Variants in ZNF385B observed in about 807,000 individuals in gnomAD.
ZNF385B encodes zinc finger protein 385B, also known as zinc finger protein 533.
Under a neutral mutation model 39.2 loss-of-function variants are expected in ZNF385B, and 23 were observed. That is an observed-to-expected ratio of 0.59 (90% CI 0.42 to 0.83). The LOEUF is 0.83. Among genes scored for constraint, ZNF385B ranks in the 40% least tolerant of loss-of-function variants. The probability of loss-of-function intolerance (pLI) is 0.00; values close to 1 mark genes in which losing one functional copy is unlikely to be tolerated. For missense variants in ZNF385B, 552 were observed against 598.9 expected (o/e 0.92, Z 0.82); for synonymous variants, 205 against 222.6 (o/e 0.92, Z 0.70).
chr2:179,820,210 G>A (rs949231221), intron 1 of ZNF385B, among the ~76,000 whole-genome samples: 1 of 151,868 alleles, frequency 6.6e-6, no homozygotes, highest in Non-Finnish European at 1.5e-5. Context: ...CTCTTTTCCA[G>A]TTTACTATGT....
Position 179,466,200 on chromosome 2 carries a change from C to G in ZNF385B, c.715+17072G>C, listed in dbSNP as rs902167434. On this transcript the variant is annotated intron_variant, in intron 6 of 9. Transcript: ENST00000410066. ...CTTGAGTGGATCTCCTTGCGATGTA[C>G]TAGACAGGGTCATAACAACAAACAC... 1.4e-4 allele frequency among the ~76,000 whole-genome samples: 21 copies of G among 152,080 alleles called. 1 individual carries two copies. The highest frequency in any genetic ancestry group is 4.3e-4 in the African/African-American group (18 of 41,402).
intron 3 of ZNF385B, among the ~76,000 whole-genome samples, chr2:179,616,514 T>C (rs886671608): frequency 3.9e-5 from 6 of 151,946 alleles, no homozygotes; most frequent in Admixed American, 1.3e-4. Flanking sequence ...TTTGTATTTT[T>C]AGTAGAGATG....
chr2:179,464,690 C>T (rs2105487408), intron 6 of ZNF385B, among the ~76,000 whole-genome samples: 1 of 152,250 alleles, frequency 6.6e-6, no homozygotes, highest in South Asian at 2.1e-4. Flanking sequence ...GGCCTCTGTT[C>T]TGTTCCATTA....
chr2:179,569,276 T>C (rs1296545626), intron 3 of ZNF385B, among the ~76,000 whole-genome samples: 2 of 152,192 alleles, frequency 1.3e-5, no homozygotes, highest in African/African-American at 4.8e-5. Flanking sequence ...TAATAAAATA[T>C]CTTTTGCACC....
intron 1 of ZNF385B, among the ~76,000 whole-genome samples, chr2:179,789,246 A>G (rs559778131): frequency 6.6e-6 from 1 of 152,340 alleles, no homozygotes; most frequent in East Asian, 1.9e-4. Context: ...TTCATAAAGT[A>G]CATTCCCCAC....
intron 3 of ZNF385B, among the ~76,000 whole-genome samples, chr2:179,750,795 T>G (rs529051253): frequency 5.4e-4 from 82 of 152,272 alleles, no homozygotes; most frequent in African/African-American, 1.9e-3. Context: ...TTTACTTATC[T>G]AGTGCACTTA....
chr2:179,814,678 C>A, intron 1 of ZNF385B: 1 of 338,644 alleles, frequency 3.0e-6, no homozygotes, highest in Non-Finnish European at 5.8e-6. Flanking sequence ...GATACTGAAG[C>A]GCCCTCAGGC....
chr2:179,538,447 T>C (rs2059719399), intron 4 of ZNF385B, among the ~76,000 whole-genome samples: 1 of 152,178 alleles, frequency 6.6e-6, no homozygotes, highest in Non-Finnish European at 1.5e-5. Flanking sequence ...AATGTGAATT[T>C]GATTCCCAAT....
chr2:179,551,171 G>A (rs2060541063), intron 3 of ZNF385B, among the ~76,000 whole-genome samples: 1 of 151,986 alleles, frequency 6.6e-6, no homozygotes, highest in Non-Finnish European at 1.5e-5. Context: ...AAAATAGGGT[G>A]CCGCCCTATT....
At chr2:179,468,645 C>T (rs780929737) in intron 6 of ZNF385B, among the ~76,000 whole-genome samples, 2 of 152,128 alleles carry the variant, frequency 1.3e-5, no homozygotes, top group Non-Finnish European at 2.9e-5. Flanking sequence ...ATTCGGGTCT[C>T]CTCACCCTCT....
At chr2:179,450,544 A>T (rs1438579834) in intron 6 of ZNF385B, among the ~76,000 whole-genome samples, 1 of 152,230 alleles carries the variant, frequency 6.6e-6, no homozygotes, top group Non-Finnish European at 1.5e-5. Context: ...TCAAAACCAC[A>T]GTGAGATACC....
In ZNF385B at chr2:179,443,052, C is replaced by T; in HGVS notation, c.*198G>A. The stretch of plus-strand genomic sequence containing the variant: ...GAGATAAAGCCTATGCTGCTGATTC[C>T]TCAATTATAGGAGCAGTCTCTAAAA... On this transcript the variant is annotated 3_prime_UTR_variant, in exon 10 of 10. Coordinates refer to ENST00000410066, the MANE Select transcript of ZNF385B (RefSeq NM_152520.6). The T allele has an allele frequency of 1.5e-6, 1 of 664,018 alleles. No individual in the cohort carries two copies. The highest frequency in any genetic ancestry group is 1.8e-5 in the South Asian group (1 of 55,834). The allele number at this position is 664,018 out of a possible 1,614,324, so 41.1% of individuals were successfully genotyped here. A position where few individuals can be genotyped will look rare whatever the true frequency, so the allele number is the denominator to read the frequency against.
chr2:179,750,150 T>G (rs533697721), intron 3 of ZNF385B, among the ~76,000 whole-genome samples: 1 of 152,234 alleles, frequency 6.6e-6, no homozygotes, highest in African/African-American at 2.4e-5. Flanking sequence ...AGTTTTAGAT[T>G]TCTGACACCA....
At chr2:179,520,137 G>C (rs2058376458) in intron 4 of ZNF385B, among the ~76,000 whole-genome samples, 1 of 151,626 alleles carries the variant, frequency 6.6e-6, no homozygotes, top group Non-Finnish European at 1.5e-5. Context: ...TTTGAGACCA[G>C]ACTGGGCAAC....
chr2:179,555,187 C>G (rs1386774337), intron 3 of ZNF385B, among the ~76,000 whole-genome samples: 2 of 149,600 alleles, frequency 1.3e-5, no homozygotes, highest in Non-Finnish European at 3.0e-5. Flanking sequence ...ATGCAACAAC[C>G]AATAGATCTT....
At chr2:179,567,033 C>T (rs1324582691) in intron 3 of ZNF385B, among the ~76,000 whole-genome samples, 6 of 151,316 alleles carry the variant, frequency 4.0e-5, no homozygotes, top group African/African-American at 1.5e-4. Context: ...TCCCTGCTTC[C>T]GCCTCCCGAG....
chr2:179,732,754 T>A (rs1030122030), intron 3 of ZNF385B, among the ~76,000 whole-genome samples: 2 of 152,154 alleles, frequency 1.3e-5, no homozygotes, highest in African/African-American at 2.4e-5. Context: ...AAAGGTAAGA[T>A]CACCCAGTGT....
In ZNF385B at chr2:179,485,627, C is replaced by T. The variant is rs377395143; in HGVS notation, c.553-2193G>A. Among the ~76,000 whole-genome samples, 8 of 152,110 alleles carry T rather than the reference C, an allele frequency of 5.3e-5. No homozygotes were observed. The East Asian group carries it at 1.3e-3, about 26-fold the overall frequency. ...TGCCAAATATTATAGATGATATAGT[C>T]ACAAGTGTTAAGGGTCATGCAGTGA... On this transcript the variant is annotated intron_variant, in intron 5 of 9. Coordinates refer to ENST00000410066, the MANE Select transcript of ZNF385B (RefSeq NM_152520.6).
At chr2:179,695,540 T>C (rs959152074) in intron 3 of ZNF385B, among the ~76,000 whole-genome samples, 10 of 151,808 alleles carry the variant, frequency 6.6e-5, no homozygotes, top group Non-Finnish European at 1.0e-4. Flanking sequence ...GGGAGAGAGA[T>C]TTAAACAGAT....
Sources: allele counts gnomAD v4.1 joint callset (sites outside exome capture counted in the v4.1 genomes callset), GRCh38; gene constraint gnomAD v4.1.1; transcripts MANE v1.5; gene names NCBI Gene and HGNC (gene_info 2026-07-23, HGNC 2026-07-21).